GRIN2A: variants seen among roughly 807,000 people sequenced by gnomAD.
The protein encoded by GRIN2A is glutamate ionotropic receptor NMDA type subunit 2A.
Under a neutral mutation model 113.4 loss-of-function variants are expected in GRIN2A, and 22 were observed. The observed-to-expected ratio is 0.19, with a 90% CI of 0.14 to 0.28. The LOEUF is 0.28. Among genes scored for constraint, GRIN2A ranks in the 10% least tolerant of loss-of-function variants. The pLI is 1.00. For synonymous variants in GRIN2A, 827 were observed against 738.4 expected (o/e 1.12, Z -1.94); for missense variants, 1,502 against 1,887.0 (o/e 0.80, Z 3.78).
intron 10 of GRIN2A, among the ~76,000 whole-genome samples, chr16:9,811,690 T>G (rs773467225): frequency 6.5e-4 from 99 of 152,290 alleles, no homozygotes; most frequent in Non-Finnish European, 1.2e-3. Context: ...ACCCTGCAGA[T>G]GGAGGTTGCA....
intron 10 of GRIN2A, among the ~76,000 whole-genome samples, chr16:9,820,119 G>A (rs1363402973): frequency 5.9e-5 from 9 of 151,776 alleles, no homozygotes; most frequent in African/African-American, 1.5e-4. Context: ...TTATGGCCAC[G>A]AATGGTTTCC....
At position 9,937,074 on chromosome 16, in the gene GRIN2A, T is replaced by A. The variant is rs538593479; in HGVS notation, c.1007+885A>T. 4.8e-3 allele frequency among the ~76,000 whole-genome samples: 721 copies of A among 149,548 alleles called. 5 individuals carry two copies. The highest frequency in any genetic ancestry group is 0.017 in the African/African-American group (672 of 38,942). The stretch of plus-strand genomic sequence containing the variant: ...GCTGTTTAGCTTCTAATAGGAAGCT[T>A]CAAAATCCCTAAATTAAATGTTTAT... On this transcript the variant is annotated intron_variant, in intron 3 of 12. Coordinates refer to ENST00000330684, the MANE Select transcript of GRIN2A (RefSeq NM_001134407.3).
chr16:9,988,145 G>T (rs185871459), intron 2 of GRIN2A, among the ~76,000 whole-genome samples: 1 of 152,076 alleles, frequency 6.6e-6, no homozygotes, highest in Non-Finnish European at 1.5e-5. Context: ...GATCTCAAGA[G>T]AAGTAGGAGC....
intron 2 of GRIN2A, among the ~76,000 whole-genome samples, chr16:10,040,101 CACA>C (rs1468548533): frequency 2.6e-5 from 2 of 78,296 alleles, no homozygotes; most frequent in African/African-American, 1.0e-4. Context: ...AAATACACTA[CACA>C]CATCCACACC....
chr16:10,090,278 A>T (rs1212341704), intron 2 of GRIN2A, among the ~76,000 whole-genome samples: 2 of 152,204 alleles, frequency 1.3e-5, no homozygotes, highest in Non-Finnish European at 1.5e-5. Flanking sequence ...GACTTACATT[A>T]CCCTCATTTC....
chr16:10,052,039 A>T (rs1334304371), intron 2 of GRIN2A, among the ~76,000 whole-genome samples: 1 of 152,248 alleles, frequency 6.6e-6, no homozygotes, highest in East Asian at 1.9e-4. Flanking sequence ...GGGAAACTAC[A>T]GAATTATAAT....
chr16:9,834,363 A>C (rs1017350974), intron 7 of GRIN2A, 133 bp from the exon 8 acceptor site: 1 of 811,370 alleles, frequency 1.2e-6, no homozygotes, highest in Non-Finnish European at 2.1e-6. Flanking sequence ...CTTCAAAAGA[A>C]GCTAATCATT....
intron 11 of GRIN2A, among the ~76,000 whole-genome samples, chr16:9,792,094 T>C (rs1242933239): frequency 7.1e-6 from 1 of 140,828 alleles, no homozygotes. Context: ...TGTGTGTGTG[T>C]GTGTGTGTGT....
At chr16:9,877,297 G>T (rs1014480799) in intron 4 of GRIN2A, among the ~76,000 whole-genome samples, 1 of 152,112 alleles carries the variant, frequency 6.6e-6, no homozygotes, top group South Asian at 2.1e-4. Flanking sequence ...ATTTATTTAC[G>T]TCATATTCAG....
At chr16:10,106,179 G>C (rs2048496770) in intron 2 of GRIN2A, among the ~76,000 whole-genome samples, 1 of 139,156 alleles carries the variant, frequency 7.2e-6, no homozygotes, top group African/African-American at 2.6e-5. Context: ...ATTCTTATAA[G>C]TGAAAGAGTT....
At chr16:9,968,225 T>C (rs1203229216) in intron 2 of GRIN2A, among the ~76,000 whole-genome samples, 1 of 152,148 alleles carries the variant, frequency 6.6e-6, no homozygotes, top group Non-Finnish European at 1.5e-5. Context: ...TTCCTTCTTC[T>C]CTCCCCTGCA....
At chr16:9,902,690 G>A (rs966851956) in intron 3 of GRIN2A, among the ~76,000 whole-genome samples, 2 of 151,870 alleles carry the variant, frequency 1.3e-5, no homozygotes, top group African/African-American at 2.4e-5. Context: ...TGGGGGGGTG[G>A]TACCACACAC....
chr16:9,903,802 C>T (rs1445831288), intron 3 of GRIN2A, among the ~76,000 whole-genome samples: 1 of 152,222 alleles, frequency 6.6e-6, no homozygotes, highest in Non-Finnish European at 1.5e-5. Context: ...TTTAAAAAGA[C>T]ACCTCTTTCT....
intron 2 of GRIN2A, among the ~76,000 whole-genome samples, chr16:10,143,166 T>C (rs1219731501): frequency 6.6e-6 from 1 of 152,194 alleles, no homozygotes; most frequent in African/African-American, 2.4e-5. Context: ...TGGTGTTTGC[T>C]CCAGGCACTG....
intron 2 of GRIN2A, among the ~76,000 whole-genome samples, chr16:10,009,110 T>A (rs1432587123): frequency 6.6e-6 from 1 of 152,200 alleles, no homozygotes; most frequent in African/African-American, 2.4e-5. Flanking sequence ...GTCAATTTGC[T>A]GGTAAGTGAC....
At chr16:9,786,194 A>C (rs886075067) in intron 11 of GRIN2A, among the ~76,000 whole-genome samples, 1 of 152,220 alleles carries the variant, frequency 6.6e-6, no homozygotes, top group African/African-American at 2.4e-5. Flanking sequence ...GGAACAAGCA[A>C]TTCCAGCAAC....
At chr16:10,043,439 C>A (rs1028955239) in intron 2 of GRIN2A, among the ~76,000 whole-genome samples, 1 of 152,226 alleles carries the variant, frequency 6.6e-6, no homozygotes. Flanking sequence ...TGCTCACTCG[C>A]TACCTCCTTA....
intron 2 of GRIN2A, among the ~76,000 whole-genome samples, chr16:9,950,112 T>A (rs1691434788): frequency 6.6e-6 from 1 of 152,204 alleles, no homozygotes; most frequent in Admixed American, 6.5e-5. Flanking sequence ...CCAAACAGAT[T>A]CAGGCAAAGT....
intron 2 of GRIN2A, among the ~76,000 whole-genome samples, chr16:10,077,781 C>G (rs1175956372): frequency 6.6e-6 from 1 of 152,188 alleles, no homozygotes; most frequent in African/African-American, 2.4e-5. Context: ...GCTATTTTCT[C>G]TCCTTGGAAT....
Sources: allele counts gnomAD v4.1 joint callset (sites outside exome capture counted in the v4.1 genomes callset), GRCh38; gene constraint gnomAD v4.1.1; transcripts MANE v1.5; gene names NCBI Gene and HGNC (gene_info 2026-07-23, HGNC 2026-07-21).